GOLGA1: variants seen among roughly 807,000 people sequenced by gnomAD.
The protein encoded by GOLGA1 is golgin A1, also known as golgin subfamily A member 1.
In GOLGA1, 63 loss-of-function variants were observed where a neutral mutation model predicts 119.7. The observed-to-expected ratio is 0.53, with a 90% CI of 0.43 to 0.65. The LOEUF (loss-of-function observed/expected upper bound fraction) is 0.65. Among genes scored for constraint, GOLGA1 ranks in the 30% least tolerant of loss-of-function variants. The pLI, the probability that GOLGA1 is intolerant of heterozygous loss-of-function variation, is 0.00. For synonymous variants in GOLGA1, 318 were observed against 333.4 expected, an observed-to-expected ratio of 0.95 and a Z score of 0.50; for missense variants, 798 against 912.8, an observed-to-expected ratio of 0.87 and a Z score of 1.62.
intron 4 of GOLGA1, among the ~76,000 whole-genome samples, chr9:124,930,078 G>C (rs1452030688): frequency 6.6e-6 from 1 of 152,114 alleles, no homozygotes; most frequent in Admixed American, 6.6e-5. Context: ...ATAAAATGTA[G>C]CTCTTATTGT....
intron 8 of GOLGA1, 49 bp downstream of exon 8, chr9:124,923,046 G>A (rs375326867): frequency 2.7e-5 from 35 of 1,314,896 alleles, no homozygotes; most frequent in Non-Finnish European, 3.3e-5. Context: ...TAAAATCAGA[G>A]TGAATAATCA....
chr9:124,932,823 T>C (rs1043985003), intron 3 of GOLGA1, among the ~76,000 whole-genome samples: 5 of 152,200 alleles, frequency 3.3e-5, no homozygotes, highest in African/African-American at 1.2e-4. Context: ...CATGACACCT[T>C]CTAGCTGTGC....
intron 14 of GOLGA1, 130 bp downstream of exon 14, chr9:124,899,199 C>CA (rs1191465057): frequency 1.7e-3 from 1,324 of 760,932 alleles, no homozygotes; most frequent in Non-Finnish European, 2.2e-3. Flanking sequence ...CTGTCTCAAA[C>CA]AAAAAAAAAG....
At position 124,880,374 on chromosome 9, in the gene GOLGA1, T is replaced by G. The variant is rs1294962190; in HGVS notation, c.*156A>C. On this transcript the variant is annotated 3_prime_UTR_variant, in exon 23 of 23. Coordinates refer to ENST00000373555, the MANE Select transcript of GOLGA1 (RefSeq NM_002077.4). Reference sequence around the variant, plus strand: ...CTACCCCCTGAGGTTCAGGTCAGCCTGCAGGGAAGTGGGCCTTAGTCTTGT... The same window carrying G: ...CTACCCCCTGAGGTTCAGGTCAGCCGGCAGGGAAGTGGGCCTTAGTCTTGT... 2 of 561,660 alleles carry G rather than the reference T, an allele frequency of 3.6e-6. No individual in the cohort carries two copies. The highest frequency in any genetic ancestry group is 6.7e-6 in the Non-Finnish European group (2 of 298,380). 34.8% of individuals were successfully genotyped at this position (561,660 alleles called of 1,614,324 possible).
intron 19 of GOLGA1, among the ~76,000 whole-genome samples, chr9:124,886,762 T>A (rs1486926361): frequency 6.6e-6 from 1 of 151,668 alleles, no homozygotes; most frequent in African/African-American, 2.4e-5. Context: ...GAGGAGAGGC[T>A]GTGGCACGTC....
chr9:124,934,457 G>C (rs1256648581), intron 3 of GOLGA1, among the ~76,000 whole-genome samples: 1 of 152,196 alleles, frequency 6.6e-6, no homozygotes, highest in Non-Finnish European at 1.5e-5. Flanking sequence ...TCAGAGGAAT[G>C]CAGGAGTGAA....
In GOLGA1 at chr9:124,921,773, G is replaced by T; in HGVS notation, c.681C>A (p.Ser227Arg). 2 of 1,613,814 alleles carry T rather than the reference G, an allele frequency of 1.2e-6. No homozygotes were observed. The highest frequency in any genetic ancestry group is 1.7e-6 in the Non-Finnish European group (2 of 1,179,706). ...GTCTCTGCAATTCTTCTAGCTTCTG[G>T]CTTAAGTCTGATGACATCTGATTGG... ...MNSNQMSSDL[S>R]QKLEELQRHY... The change falls in exon 9 of 23, where the codon AGC (serine) becomes AGA (arginine). Residue 227 changes from serine to arginine, a missense_variant. Ser to Arg is a moderately radical substitution (Grantham distance 110). Transcript: ENST00000373555.
intron 14 of GOLGA1, among the ~76,000 whole-genome samples, chr9:124,898,851 A>G (rs1830036542): frequency 6.6e-6 from 1 of 152,204 alleles, no homozygotes; most frequent in Non-Finnish European, 1.5e-5. Context: ...TGTTTTATAA[A>G]AAGCAGCCTT....
Position 124,881,682 on chromosome 9 carries a change from G to A in GOLGA1, c.2136+102C>T. 1 of 809,360 alleles carries A rather than the reference G, an allele frequency of 1.2e-6. No individual in the cohort carries two copies. The highest frequency in any genetic ancestry group is 2.0e-6 in the Non-Finnish European group (1 of 496,444). The allele number at this position is 809,360 out of a possible 1,614,324, so 50.1% of individuals were successfully genotyped here. A position where few individuals can be genotyped will look rare whatever the true frequency, so the allele number is the denominator to read the frequency against. On this transcript the variant is annotated intron_variant, in intron 21 of 22. Transcript: ENST00000373555. This position sits in a 1 kb window ranked among gnomAD's most constrained non-coding sequence, Gnocchi z 4.9. Reference sequence around the variant, plus strand: ...GGTGACCACAAGGGCGTCAAACCAGGATGTACGAGGAAAAGAGAGAAAGGG... The same window carrying A: ...GGTGACCACAAGGGCGTCAAACCAGAATGTACGAGGAAAAGAGAGAAAGGG...
At chr9:124,907,703 G>A (rs1464523181) in intron 12 of GOLGA1, among the ~76,000 whole-genome samples, 1 of 152,168 alleles carries the variant, frequency 6.6e-6, no homozygotes, top group Non-Finnish European at 1.5e-5. Context: ...ATGAAGACAA[G>A]GCCAAACTCA....
At chr9:124,906,311 A>C (rs902025222) in intron 12 of GOLGA1, among the ~76,000 whole-genome samples, 1 of 151,464 alleles carries the variant, frequency 6.6e-6, no homozygotes, top group African/African-American at 2.4e-5. Flanking sequence ...CGTGCCTGTA[A>C]TCCCAGCTAC....
Position 124,931,406 on chromosome 9 carries a change from C to T in GOLGA1, c.136G>A (p.Ala46Thr), listed in dbSNP as rs1160001011. 2.6e-6 allele frequency: 4 copies of T among 1,520,010 alleles called. No homozygotes were observed. Among genetic ancestry groups the T allele is most frequent in the Non-Finnish European group, 3.7e-6 (4 of 1,094,346 alleles). 94.2% of individuals were successfully genotyped at this position (1,520,010 alleles called of 1,614,324 possible). The stretch of plus-strand genomic sequence containing the variant: ...TCTCTGGAGCTGCTTCCATCGGAAG[C>T]CTGTTGAGGTAGACACAAGGAAGGT... ...SMGADSGDDF[A>T]SDGSSSREDL... is the part of the protein sequence containing the mutation. Residue 46 changes from alanine (A) to threonine (T), a missense_variant and splice_region_variant, in exon 4 of 23, where the codon GCT becomes ACT. Ala to Thr is a moderately conservative substitution (Grantham distance 58). Transcript: ENST00000373555.
intron 19 of GOLGA1, among the ~76,000 whole-genome samples, chr9:124,885,197 C>T (rs1383978217): frequency 3.9e-5 from 6 of 152,048 alleles, no homozygotes; most frequent in East Asian, 3.9e-4. Context: ...CGTGGTAGCG[C>T]GCCTGTAGTC....
intron 15 of GOLGA1, among the ~76,000 whole-genome samples, chr9:124,895,759 ACCTCCACAACAGAGAG>A (rs1263826569): frequency 7.7e-6 from 1 of 129,128 alleles, no homozygotes; most frequent in Non-Finnish European, 1.7e-5. Flanking sequence ...ACAACAGAGA[ACCTCCACAACAGAGAG>A]CCTCCACAAC....
At chr9:124,914,167 AG>A (rs1830392778) in intron 10 of GOLGA1, among the ~76,000 whole-genome samples, 1 of 152,212 alleles carries the variant, frequency 6.6e-6, no homozygotes, top group Non-Finnish European at 1.5e-5. Context: ...ATATAGCAGA[AG>A]CAGCTATAAC....
At chr9:124,909,625 A>G (rs187406170) in intron 11 of GOLGA1, among the ~76,000 whole-genome samples, 2,083 of 151,886 alleles carry the variant, frequency 0.014, 54 homozygotes, top group African/African-American at 0.047. Context: ...AAAAAAAAAA[A>G]AAAGAAATGT....
chr9:124,921,291 A>T, intron 9 of GOLGA1, 51 bp from the exon 10 acceptor site: 1 of 1,022,362 alleles, frequency 9.8e-7, no homozygotes, highest in South Asian at 1.3e-5. Flanking sequence ...CTCATCTAAT[A>T]TACAGTCTTC....
At chr9:124,938,524 A>G in intron 3 of GOLGA1, 53 bp downstream of exon 3, 1 of 1,427,656 alleles carries the variant, frequency 7.0e-7, no homozygotes, top group South Asian at 1.2e-5. Flanking sequence ...TAAAATATTT[A>G]TTGGAAGAAT....
chr9:124,898,002 AGTTAT>A (rs1830016199), intron 15 of GOLGA1, among the ~76,000 whole-genome samples: 1 of 152,206 alleles, frequency 6.6e-6, no homozygotes, highest in African/African-American at 2.4e-5. Flanking sequence ...CTTTTTATCC[AGTTAT>A]GTTTAGGGAA....
Sources: allele counts gnomAD v4.1 joint callset (sites outside exome capture counted in the v4.1 genomes callset), GRCh38; gene constraint gnomAD v4.1.1; non-coding constraint Gnocchi (gnomAD v3.1); transcripts MANE v1.5; gene names NCBI Gene and HGNC (gene_info 2026-07-23, HGNC 2026-07-21).